The following KLHL32 variants were observed in gnomAD, a reference collection of about 807,000 sequenced individuals.
KLHL32 encodes the protein kelch like family member 32.
In KLHL32, 35 loss-of-function variants were observed where a neutral mutation model predicts 64.8. That is an observed-to-expected ratio of 0.54 (90% CI 0.41 to 0.72). The LOEUF (loss-of-function observed/expected upper bound fraction) is 0.72. KLHL32 is among the 30% of genes least tolerant of loss of function. KLHL32 has a pLI of 0.00. For missense variants in KLHL32, 589 were observed against 768.5 expected, an observed-to-expected ratio of 0.77 and a Z score of 2.76; for synonymous variants, 259 against 281.0, an observed-to-expected ratio of 0.92 and a Z score of 0.78.
intron 6 of KLHL32, among the ~76,000 whole-genome samples, chr6:97,107,259 G>C (rs1271220074): frequency 6.6e-6 from 1 of 150,604 alleles, no homozygotes; most frequent in Admixed American, 6.6e-5. Flanking sequence ...CGCCACTGCA[G>C]TCCGGCCTGG....
chr6:96,985,912 G>A (rs1776992267), intron 3 of KLHL32, among the ~76,000 whole-genome samples: 1 of 152,126 alleles, frequency 6.6e-6, no homozygotes, highest in Non-Finnish European at 1.5e-5. Context: ...TCCATTGCTG[G>A]TGAGGAGCTG....
chr6:96,989,051 A>C (rs937595817), intron 3 of KLHL32, among the ~76,000 whole-genome samples: 1 of 152,196 alleles, frequency 6.6e-6, no homozygotes, highest in African/African-American at 2.4e-5. Flanking sequence ...ACATGTATAC[A>C]TATGTAACAA....
intron 8 of KLHL32, 64 bp downstream of exon 8, chr6:97,127,526 T>G: frequency 7.5e-7 from 1 of 1,329,694 alleles, no homozygotes; most frequent in East Asian, 2.3e-5. Context: ...TCCAGAGTAA[T>G]TAGTAATTGG....
chr6:97,042,361 C>CA (rs1785253934), intron 4 of KLHL32, among the ~76,000 whole-genome samples: 1 of 152,094 alleles, frequency 6.6e-6, no homozygotes, highest in South Asian at 2.1e-4. Flanking sequence ...AAGCAGAATA[C>CA]AAAACAGAGT....
In KLHL32 at chr6:97,078,624, A is replaced by G. The variant is rs945146139; in HGVS notation, c.412-6502A>G. On this transcript the variant is annotated intron_variant, in intron 5 of 10. Coordinates refer to ENST00000369261, the MANE Select transcript of KLHL32 (RefSeq NM_052904.4). ...TCTTTAACCCAAGTCATAGTTTTCT[A>G]TAGTGATAGTACATGATGCTTATTT... 3.9e-5 allele frequency among the ~76,000 whole-genome samples: 6 copies of G among 152,194 alleles called. 1 individual carries two copies. Among genetic ancestry groups the G allele is most frequent in the Admixed American group, 2.6e-4 (4 of 15,274 alleles).
chr6:96,935,527 CTG>C (rs1304167132), intron 1 of KLHL32, among the ~76,000 whole-genome samples: 5 of 152,190 alleles, frequency 3.3e-5, no homozygotes, highest in African/African-American at 1.2e-4. Context: ...GGAACACTAA[CTG>C]TGAAACCGCG....
chr6:96,967,034 T>A lies in KLHL32; in HGVS notation c.-27T>A, dbSNP rs1774528709. 1.2e-6 allele frequency: 2 copies of A among 1,612,044 alleles called. No homozygotes were observed. The highest frequency in any genetic ancestry group is 1.7e-6 in the Non-Finnish European group (2 of 1,178,378). On this transcript the variant is annotated 5_prime_UTR_variant, in exon 2 of 11. Coordinates refer to ENST00000369261, the MANE Select transcript of KLHL32 (RefSeq NM_052904.4). ...TGATTCCTCTGCACACTTCTAAGGCTGAGAACCTGAGGAACCCAGCTGGAA... is the reference window on the plus strand; with the variant it reads ...TGATTCCTCTGCACACTTCTAAGGCAGAGAACCTGAGGAACCCAGCTGGAA...
chr6:96,937,326 G>T (rs1481994094), intron 1 of KLHL32, among the ~76,000 whole-genome samples: 2 of 152,158 alleles, frequency 1.3e-5, no homozygotes, highest in East Asian at 1.9e-4. Context: ...TATTTGCTTA[G>T]TGCTTAGCAT....
chr6:96,916,148 G>A, the KLHL32 span, among the ~76,000 whole-genome samples: 7 of 151,704 alleles, frequency 4.6e-5, no homozygotes, highest in African/African-American at 1.7e-4. Context: ...GGAATCGAAA[G>A]TGAGGTACAG....
intron 4 of KLHL32, among the ~76,000 whole-genome samples, chr6:97,058,379 C>T (rs1436999939): frequency 6.6e-6 from 1 of 152,152 alleles, no homozygotes; most frequent in Admixed American, 6.5e-5. Flanking sequence ...CAGACATGGG[C>T]CATCTTTCCA....
intron 10 of KLHL32, among the ~76,000 whole-genome samples, chr6:97,136,070 G>A (rs1174363379): frequency 6.6e-6 from 1 of 152,146 alleles, no homozygotes; most frequent in African/African-American, 2.4e-5. Context: ...TGTGTCGTCA[G>A]TCACAAATCT....
At chr6:96,906,668 T>G in the KLHL32 span, among the ~76,000 whole-genome samples, 2 of 152,218 alleles carry the variant, frequency 1.3e-5, no homozygotes, top group Admixed American at 6.5e-5. Context: ...TGGCACTGCT[T>G]AGATATGACT....
At chr6:97,110,105 G>C (rs1163407054) in intron 6 of KLHL32, among the ~76,000 whole-genome samples, 1 of 152,170 alleles carries the variant, frequency 6.6e-6, no homozygotes, top group Non-Finnish European at 1.5e-5. Flanking sequence ...CTAGGGTGCA[G>C]CATGTGGGAA....
At chr6:96,968,410 C>G (rs1221585098) in intron 2 of KLHL32, among the ~76,000 whole-genome samples, 2 of 151,968 alleles carry the variant, frequency 1.3e-5, no homozygotes, top group Non-Finnish European at 1.5e-5. Flanking sequence ...AAACATCTAG[C>G]CCAAAATGTC....
chr6:97,015,668 T>C (rs922470227), intron 3 of KLHL32, among the ~76,000 whole-genome samples: 62 of 152,286 alleles, frequency 4.1e-4, no homozygotes, highest in Non-Finnish European at 8.1e-4. Flanking sequence ...AAACCCATTT[T>C]CTGGGGAGAC....
intron 1 of KLHL32, among the ~76,000 whole-genome samples, chr6:96,926,659 C>A (rs1226973246): frequency 1.3e-5 from 2 of 152,138 alleles, no homozygotes; most frequent in East Asian, 1.9e-4. Context: ...CAGGCCTAGA[C>A]AAGACACGTG....
At position 97,118,479 on chromosome 6, in the gene KLHL32, C is replaced by T. The variant is rs1188812102; in HGVS notation, c.1354+3970C>T. ...ACTAAAAATACAAAAATTAGCTGGGCGTGGTGGCGGGCGCCTGTAATCGCA... is the reference window on the plus strand; with the variant it reads ...ACTAAAAATACAAAAATTAGCTGGGTGTGGTGGCGGGCGCCTGTAATCGCA... On this transcript the variant is annotated intron_variant, in intron 7 of 10. Coordinates refer to ENST00000369261, the MANE Select transcript of KLHL32 (RefSeq NM_052904.4). 5.3e-5 allele frequency among the ~76,000 whole-genome samples: 8 copies of T among 151,772 alleles called. No homozygotes were observed. The South Asian group carries it at 6.3e-4, about 12-fold the overall frequency.
intron 4 of KLHL32, among the ~76,000 whole-genome samples, chr6:97,063,392 A>G (rs1789222344): frequency 6.6e-6 from 1 of 152,230 alleles, no homozygotes; most frequent in South Asian, 2.1e-4. Flanking sequence ...AAGAGAACCT[A>G]TAGTGATGCA....
At chr6:97,071,111 C>A (rs9374329) in intron 5 of KLHL32, among the ~76,000 whole-genome samples, 16,379 of 152,058 alleles carry the variant, frequency 0.11, 1,032 homozygotes, top group African/African-American at 0.18. Context: ...TTCTTCATCT[C>A]TCATTACCGC....
Sources: gnomAD v4.1 joint callset for allele counts (sites outside exome capture counted in the v4.1 genomes callset) on GRCh38, gnomAD v4.1.1 for gene constraint, MANE v1.5 for transcripts, NCBI Gene and HGNC (gene_info 2026-07-23, HGNC 2026-07-21) for gene names.